GABRB1: variants seen among roughly 807,000 people sequenced by gnomAD.
GABRB1 encodes the protein gamma-aminobutyric acid receptor subunit beta-1.
A neutral mutation model predicts 51.6 loss-of-function variants in GABRB1; 17 were observed. That is an observed-to-expected ratio of 0.33 (90% CI 0.23 to 0.49). GABRB1 has a LOEUF of 0.49. Ranked by LOEUF, GABRB1 falls within the 20% of genes least tolerant of loss-of-function variation. The probability of loss-of-function intolerance (pLI) is 0.99; values close to 1 mark genes in which losing one functional copy is unlikely to be tolerated. For synonymous variants in GABRB1, 247 were observed against 218.9 expected, an observed-to-expected ratio of 1.13 and a Z score of -1.14; for missense variants, 410 against 600.6, an observed-to-expected ratio of 0.68 and a Z score of 3.32.
At chr4:47,371,268 C>A (rs187181417) in intron 5 of GABRB1, among the ~76,000 whole-genome samples, 1 of 152,294 alleles carries the variant, frequency 6.6e-6, no homozygotes, top group East Asian at 1.9e-4. Flanking sequence ...AACATGATAT[C>A]ATTCCTTTTT....
chr4:47,402,502 C>T (rs1307294036), intron 5 of GABRB1, among the ~76,000 whole-genome samples: 1 of 152,126 alleles, frequency 6.6e-6, no homozygotes, highest in Non-Finnish European at 1.5e-5. Context: ...TCTGTACATT[C>T]TTCTTATGCA....
chr4:47,162,059 C>A (rs908436109), intron 4 of GABRB1, among the ~76,000 whole-genome samples: 9 of 151,940 alleles, frequency 5.9e-5, no homozygotes, highest in African/African-American at 1.7e-4. Flanking sequence ...TTGTTCTTGG[C>A]AAAATGATCT....
At chr4:47,337,098 A>G (rs953528673) in intron 5 of GABRB1, among the ~76,000 whole-genome samples, 1 of 152,174 alleles carries the variant, frequency 6.6e-6, no homozygotes, top group African/African-American at 2.4e-5. Flanking sequence ...ATGACATAAG[A>G]TTCAAATTTA....
chr4:47,095,241 C>T (rs1448320933), intron 3 of GABRB1, among the ~76,000 whole-genome samples: 2 of 151,690 alleles, frequency 1.3e-5, no homozygotes, highest in Non-Finnish European at 2.9e-5. Context: ...CACCAGTTTC[C>T]CAAATGCAAT....
intron 3 of GABRB1, among the ~76,000 whole-genome samples, chr4:47,073,216 GA>G (rs1199851534): frequency 6.6e-6 from 1 of 152,142 alleles, no homozygotes; most frequent in Non-Finnish European, 1.5e-5. Context: ...TGGAAAGAAG[GA>G]AAACAGCATA....
At chr4:47,046,345 T>C (rs1726085544) in intron 3 of GABRB1, among the ~76,000 whole-genome samples, 1 of 152,088 alleles carries the variant, frequency 6.6e-6, no homozygotes. Context: ...TTGTAGATAA[T>C]CAAACAAACA....
rs1719490735 is a variant in GABRB1 at position 47,192,746 on chromosome 4, AAC to A, written c.461+31281_461+31282del. On this transcript the variant is annotated intron_variant, in intron 4 of 8. Coordinates refer to ENST00000295454, the MANE Select transcript of GABRB1 (RefSeq NM_000812.4). ...ATTTTCTTAAAAATAAAAATTGAGG[AAC>A]ACAAAATTAATGATAGATCCAATAA... 2.0e-5 allele frequency among the ~76,000 whole-genome samples: 3 copies of A among 152,326 alleles called. No individual in the cohort carries two copies. The South Asian group carries it at 6.2e-4, about 32-fold the overall frequency.
rs571621274 is a variant in GABRB1, at chr4:47,345,999, T to G, written c.544+25790T>G. Reference sequence around the variant, plus strand: ...CCTACATGTATTACTCACTGTGTATTTTTTGCTTATTCTTTGTTCTGTGGT... The same window carrying G: ...CCTACATGTATTACTCACTGTGTATGTTTTGCTTATTCTTTGTTCTGTGGT... On this transcript the variant is annotated intron_variant, in intron 5 of 8. Transcript: ENST00000295454. 2.6e-5 allele frequency among the ~76,000 whole-genome samples: 4 copies of G among 152,136 alleles called. No homozygotes were observed. In the East Asian group the frequency reaches 5.8e-4, roughly 22 times the overall value.
intron 4 of GABRB1, among the ~76,000 whole-genome samples, chr4:47,190,313 T>C (rs1353018597): frequency 6.6e-6 from 1 of 152,168 alleles, no homozygotes; most frequent in Non-Finnish European, 1.5e-5. Flanking sequence ...ACCTGTTCTC[T>C]GCTAACCATA....
At chr4:47,154,793 C>A (rs1717617855) in intron 3 of GABRB1, among the ~76,000 whole-genome samples, 1 of 152,068 alleles carries the variant, frequency 6.6e-6, no homozygotes, top group Non-Finnish European at 1.5e-5. Flanking sequence ...TTCATTCACT[C>A]TCTAACAATA....
At chr4:47,045,018 A>G (rs1318829200) in intron 3 of GABRB1, among the ~76,000 whole-genome samples, 1 of 152,108 alleles carries the variant, frequency 6.6e-6, no homozygotes, top group Non-Finnish European at 1.5e-5. Context: ...TGAGGAGGAA[A>G]TAAAATGTGT....
At chr4:47,300,910 G>C (rs1724234788) in intron 4 of GABRB1, among the ~76,000 whole-genome samples, 1 of 152,090 alleles carries the variant, frequency 6.6e-6, no homozygotes, top group Admixed American at 6.6e-5. Flanking sequence ...AAACAAACCA[G>C]TCTCTCTGTT....
intron 3 of GABRB1, chr4:47,032,888 T>G (rs529886175): frequency 1.8e-5 from 7 of 382,508 alleles, no homozygotes; most frequent in South Asian, 1.3e-4. Context: ...GGCGCGGTGC[T>G]GGCAATCCCC....
At chr4:47,045,228 T>A (rs368212201) in intron 3 of GABRB1, among the ~76,000 whole-genome samples, 14 of 152,174 alleles carry the variant, frequency 9.2e-5, no homozygotes, top group African/African-American at 3.1e-4. Context: ...ACAACAAGTG[T>A]AAAACAACAC....
At chr4:47,033,910 A>T (rs1165052452) in intron 3 of GABRB1, among the ~76,000 whole-genome samples, 6 of 152,226 alleles carry the variant, frequency 3.9e-5, no homozygotes. Context: ...CTGACTTATT[A>T]TATTCTGTTT....
chr4:47,301,510 T>C (rs1352180929), intron 4 of GABRB1, among the ~76,000 whole-genome samples: 2 of 151,854 alleles, frequency 1.3e-5, no homozygotes, highest in African/African-American at 4.8e-5. Flanking sequence ...GGTGCGTGCC[T>C]GTAGTCCCAG....
chr4:47,258,661 A>T (rs1339112011), intron 4 of GABRB1, among the ~76,000 whole-genome samples: 1 of 152,174 alleles, frequency 6.6e-6, no homozygotes, highest in Non-Finnish European at 1.5e-5. Context: ...ATTAGTCAAG[A>T]CTCAATTTCC....
At chr4:47,093,607 C>T (rs1418317223) in intron 3 of GABRB1, among the ~76,000 whole-genome samples, 3 of 152,180 alleles carry the variant, frequency 2.0e-5, no homozygotes, top group Non-Finnish European at 2.9e-5. Flanking sequence ...TTACTTATCA[C>T]AGTCTGCAGT....
intron 5 of GABRB1, among the ~76,000 whole-genome samples, chr4:47,352,861 T>G (rs142222503): frequency 4.6e-5 from 7 of 152,238 alleles, no homozygotes; most frequent in Non-Finnish European, 8.8e-5. Context: ...TTTCCCAGCA[T>G]GTTTCTAGAT....
Sources: gnomAD v4.1 joint callset for allele counts (sites outside exome capture counted in the v4.1 genomes callset) on GRCh38, gnomAD v4.1.1 for gene constraint, MANE v1.5 for transcripts, NCBI Gene and HGNC (gene_info 2026-07-23, HGNC 2026-07-21) for gene names.